The following LCOR variants were observed in gnomAD, a reference collection of about 807,000 sequenced individuals.
LCOR encodes the protein ligand-dependent corepressor.
In LCOR, 14 loss-of-function variants were observed where a neutral mutation model predicts 64.4. That is an observed-to-expected ratio of 0.22 (90% confidence interval 0.14 to 0.34). The LOEUF (loss-of-function observed/expected upper bound fraction) is 0.34. Among genes scored for constraint, LCOR ranks in the 10% least tolerant of loss-of-function variants. The pLI is 1.00. For missense variants in LCOR, 1,686 were observed against 1,765.3 expected (o/e 0.96, Z 0.80); for synonymous variants, 643 against 642.5 (o/e 1.00, Z -0.01).
rs145294557 is a variant in LCOR at position 96,931,487 on chromosome 10, G to A, written c.-183-12626G>A. Among the ~76,000 whole-genome samples, 129 of 152,054 alleles carry A rather than the reference G, an allele frequency of 8.5e-4. 1 individual carries two copies. The East Asian group carries it at 0.017, about 20-fold the overall frequency. On this transcript the variant is annotated intron_variant, in intron 4 of 7. Transcript: ENST00000421806. ...CTGACCTCAAGTGATCCACTGCCTCGGTGTCCCAAAGTGCTGGGATTAACA... is the reference window on the plus strand; with the variant it reads ...CTGACCTCAAGTGATCCACTGCCTCAGTGTCCCAAAGTGCTGGGATTAACA...
chr10:96,921,003 G>T (rs1352442045), intron 4 of LCOR, among the ~76,000 whole-genome samples: 1 of 151,886 alleles, frequency 6.6e-6, no homozygotes, highest in Non-Finnish European at 1.5e-5. Context: ...TTGTCATGTT[G>T]CCCAGGCTGG....
chr10:96,902,138 A>T (rs1046708713), intron 2 of LCOR, among the ~76,000 whole-genome samples: 5 of 152,158 alleles, frequency 3.3e-5, no homozygotes, highest in Admixed American at 2.6e-4. Context: ...TCTTAAAAAA[A>T]AAAAATACTA....
intron 2 of LCOR, among the ~76,000 whole-genome samples, chr10:96,835,944 T>C (rs562392186): frequency 2.0e-5 from 3 of 152,206 alleles, no homozygotes; most frequent in Non-Finnish European, 4.4e-5. Context: ...ATGATCAGTT[T>C]AGATTCCAGG....
At chr10:96,959,523 G>C (rs1347766813) in intron 7 of LCOR, 3 of 151,936 alleles carry the variant, frequency 2.0e-5, no homozygotes, top group Non-Finnish European at 4.4e-5. Flanking sequence ...ATATCTAGTT[G>C]GTATTTTTAT....
intron 2 of LCOR, among the ~76,000 whole-genome samples, chr10:96,893,271 T>C (rs1429617436): frequency 1.3e-5 from 2 of 152,214 alleles, no homozygotes; most frequent in East Asian, 3.8e-4. Flanking sequence ...TTGTTGTATG[T>C]AGTCTTTTAA....
intron 2 of LCOR, among the ~76,000 whole-genome samples, chr10:96,862,541 C>T (rs1264699440): frequency 6.6e-6 from 1 of 152,092 alleles, no homozygotes; most frequent in Non-Finnish European, 1.5e-5. Flanking sequence ...GCTGGGATTA[C>T]AGGCATGCAT....
rs1186725150 is a variant in LCOR at position 96,983,404 on chromosome 10, A to G, written c.2944A>G (p.Ile982Val). The change falls in exon 8 of 8, where the codon ATT becomes GTT. Residue 982 changes from isoleucine (I) to valine (V), a missense_variant. Ile to Val is a conservative substitution (Grantham distance 29). Coordinates refer to ENST00000421806, the MANE Select transcript of LCOR (RefSeq NM_001346516.2). The surrounding 1 kb of genome is among the most constrained non-coding windows in gnomAD (Gnocchi z 4.5). ...ACAGGCAAAAGAAGAGCCAGGGCAT[A>G]TTCCCACACAGCATGTGGAGGAGGC... ...PEQAKEEPGH[I>V]PTQHVEEAVN... The G allele has an allele frequency of 1.2e-6, 2 of 1,614,082 alleles. No homozygotes were observed. The highest frequency in any genetic ancestry group is 2.7e-5 in the African/African-American group (2 of 74,930).
At chr10:96,894,305 T>C (rs1427972866) in intron 2 of LCOR, among the ~76,000 whole-genome samples, 1 of 152,124 alleles carries the variant, frequency 6.6e-6, no homozygotes, top group Non-Finnish European at 1.5e-5. Context: ...TCTCAATTTC[T>C]TGACCACGTG....
chr10:96,955,522 G>T (rs146979920), intron 7 of LCOR: 1 of 1,614,158 alleles, frequency 6.2e-7, no homozygotes, highest in Admixed American at 1.7e-5. Context: ...AAACAAAGTA[G>T]AAAAAGCATG....
At chr10:96,900,489 G>T (rs1451523642) in intron 2 of LCOR, among the ~76,000 whole-genome samples, 1 of 151,402 alleles carries the variant, frequency 6.6e-6, no homozygotes, top group East Asian at 1.9e-4. Context: ...TGATATAATA[G>T]AGAAGAACAA....
intron 7 of LCOR, among the ~76,000 whole-genome samples, chr10:96,952,839 A>G (rs1157742741): frequency 6.6e-6 from 1 of 152,208 alleles, no homozygotes; most frequent in Admixed American, 6.5e-5. Context: ...AAAGTCAGGT[A>G]TTAATATTAA....
At chr10:96,871,725 CT>C (rs1291140738) in intron 2 of LCOR, among the ~76,000 whole-genome samples, 1 of 152,028 alleles carries the variant, frequency 6.6e-6, no homozygotes, top group Non-Finnish European at 1.5e-5. Context: ...CATGCCTGGC[CT>C]ATTTAGACCT....
intron 4 of LCOR, among the ~76,000 whole-genome samples, chr10:96,918,105 A>G (rs765497337): frequency 6.7e-4 from 102 of 152,352 alleles, no homozygotes; most frequent in Non-Finnish European, 1.3e-3. Flanking sequence ...CGAAGTTTCT[A>G]AGGAGTAAAG....
intron 4 of LCOR, among the ~76,000 whole-genome samples, chr10:96,928,232 C>A (rs535045370): frequency 6.6e-6 from 1 of 152,182 alleles, no homozygotes; most frequent in African/African-American, 2.4e-5. Context: ...AGTAGAACTT[C>A]TTTCAAAATT....
chr10:96,945,595 C>T (rs1344571862), intron 5 of LCOR, among the ~76,000 whole-genome samples: 1 of 152,070 alleles, frequency 6.6e-6, no homozygotes, highest in African/African-American at 2.4e-5. Flanking sequence ...TTATGAACAT[C>T]TGATTGTTAA....
intron 4 of LCOR, among the ~76,000 whole-genome samples, chr10:96,935,267 G>A (rs934103238): frequency 2.7e-5 from 4 of 147,074 alleles, no homozygotes; most frequent in African/African-American, 1.0e-4. Context: ...TCCTGCCTCA[G>A]CCTCTTGAGT....
intron 4 of LCOR, among the ~76,000 whole-genome samples, chr10:96,932,765 A>T (rs1028036656): frequency 1.3e-5 from 2 of 152,212 alleles, no homozygotes; most frequent in African/African-American, 4.8e-5. Context: ...CCTGGACCAA[A>T]GAATCATTGT....
intron 4 of LCOR, among the ~76,000 whole-genome samples, chr10:96,936,817 A>G (rs1483683635): frequency 6.6e-6 from 1 of 151,334 alleles, no homozygotes; most frequent in African/African-American, 2.5e-5. Context: ...AGATCGTACC[A>G]AACTCTATAT....
rs1847545921 is a variant in LCOR, at chr10:96,944,097, C to G, written c.-183-16C>G. ...GAAAGACGTGTGTGCAACTATTTCACCAAGTATTTTTGCAGGGACACTTAG... is the reference window on the plus strand; with the variant it reads ...GAAAGACGTGTGTGCAACTATTTCAGCAAGTATTTTTGCAGGGACACTTAG... On this transcript the variant is annotated splice_polypyrimidine_tract_variant and intron_variant, in intron 4 of 7. Transcript: ENST00000421806. 2 of 985,538 alleles carry G rather than the reference C, an allele frequency of 2.0e-6. No individual in the cohort carries two copies. The highest frequency in any genetic ancestry group is 2.4e-6 in the Non-Finnish European group (2 of 829,852). The allele number at this position is 985,538 out of a possible 1,614,324, so 61.0% of individuals were successfully genotyped here. A position where few individuals can be genotyped will look rare whatever the true frequency, so the allele number is the denominator to read the frequency against.
Sources: allele counts gnomAD v4.1 joint callset (sites outside exome capture counted in the v4.1 genomes callset), GRCh38; gene constraint gnomAD v4.1.1; non-coding constraint Gnocchi (gnomAD v3.1); transcripts MANE v1.5; gene names NCBI Gene and HGNC (gene_info 2026-07-23, HGNC 2026-07-21).